The following NIPBL variants were observed in gnomAD, a reference collection of about 807,000 sequenced individuals.
NIPBL encodes NIPBL cohesin loading factor.
NIPBL carries 19 observed loss-of-function variants against 321.8 expected under a neutral mutation model. That is an observed-to-expected ratio of 0.06 (90% CI 0.04 to 0.09). NIPBL has a LOEUF of 0.09. Ranked by LOEUF, NIPBL falls within the 10% of genes least tolerant of loss-of-function variation. The pLI is 1.00. For missense variants in NIPBL, 2,210 were observed against 3,327.0 expected, an observed-to-expected ratio of 0.66 and a Z score of 8.26; for synonymous variants, 1,106 against 1,114.1, an observed-to-expected ratio of 0.99 and a Z score of 0.14.
At chr5:36,930,517 T>C (rs927515798) in intron 1 of NIPBL, among the ~76,000 whole-genome samples, 43 of 152,102 alleles carry the variant, frequency 2.8e-4, no homozygotes, top group African/African-American at 9.2e-4. Flanking sequence ...TCTTCCTGTC[T>C]AATCTGAATG....
intron 15 of NIPBL, 94 bp downstream of exon 15, chr5:37,002,859 G>A: frequency 2.6e-6 from 2 of 766,356 alleles, no homozygotes; most frequent in African/African-American, 1.8e-5. Flanking sequence ...TTTATGTAAA[G>A]TAAATAGTAA....
chr5:36,975,844 G>C lies in NIPBL; in HGVS notation c.937G>C (p.Asp313His). 1 of 1,612,774 alleles carries C rather than the reference G, an allele frequency of 6.2e-7. No homozygotes were observed. The highest frequency in any genetic ancestry group is 8.5e-7 in the Non-Finnish European group (1 of 1,179,580). The change falls in exon 9 of 47, where the codon GAT becomes CAT. Residue 313 changes from aspartate to histidine, a missense_variant. Around this residue, in one of 14 missense-constraint regions of NIPBL, gnomAD observed 464 missense variants for 529.5 expected, o/e 0.88. Transcript: ENST00000282516. ...TTCATCACCTCGAGATGTTCCACCA[G>C]ATATCTTGCTAGATTCTCCAGAAAG... ...PCSSPRDVPP[D>H]ILLDSPERKQ...
rs1488990561 is a variant in NIPBL at position 37,052,811 on chromosome 5, G to A, written c.7263+245G>A. Among the ~76,000 whole-genome samples the A allele has an allele frequency of 2.6e-5, 4 of 152,114 alleles. No homozygotes were observed. In the East Asian group the frequency reaches 7.7e-4, roughly 29 times the overall value. On this transcript the variant is annotated intron_variant, in intron 42 of 46. Transcript: ENST00000282516. ...CCATACTGAATATCCTATAAACTTT[G>A]ATAACAGTTTCTGTAAGCGTATCTT...
At chr5:37,058,014 A>C (rs16903483) in intron 43 of NIPBL, among the ~76,000 whole-genome samples, 5,147 of 152,314 alleles carry the variant, frequency 0.034, 316 homozygotes, top group African/African-American at 0.12. Context: ...TTGTCAGACT[A>C]GTAAATCAGA....
chr5:37,046,370 T>C (rs1752980509), intron 38 of NIPBL, among the ~76,000 whole-genome samples, 171 bp downstream of exon 38: 1 of 152,250 alleles, frequency 6.6e-6, no homozygotes, highest in African/African-American at 2.4e-5. Flanking sequence ...ATTCTTGTCA[T>C]GGCCATTGAC....
chr5:36,931,553 A>G (rs1431840825), intron 1 of NIPBL, among the ~76,000 whole-genome samples: 1 of 152,032 alleles, frequency 6.6e-6, no homozygotes, highest in Admixed American at 6.6e-5. Context: ...CCTGGACTCA[A>G]ATGATCTGCC....
intron 35 of NIPBL, 67 bp from the exon 36 acceptor site, chr5:37,044,569 G>A: frequency 6.4e-7 from 1 of 1,574,256 alleles, no homozygotes; most frequent in Non-Finnish European, 8.7e-7. Context: ...GCAAATATTT[G>A]TAAAAAGCTA....
At chr5:36,961,412 T>C (rs1382670171) in intron 4 of NIPBL, 72 bp from the exon 5 acceptor site, 1 of 919,070 alleles carries the variant, frequency 1.1e-6, no homozygotes. Context: ...AAAGAATAAC[T>C]GATTTCAGTT....
intron 1 of NIPBL, among the ~76,000 whole-genome samples, chr5:36,916,046 G>A (rs1276581942): frequency 1.3e-5 from 2 of 152,200 alleles, no homozygotes; most frequent in East Asian, 3.8e-4. Flanking sequence ...CATTGGAAAT[G>A]AACTGTCTTT....
intron 40 of NIPBL, 95 bp from the exon 41 acceptor site, chr5:37,051,684 T>C: frequency 1.2e-6 from 1 of 804,158 alleles, no homozygotes; most frequent in Non-Finnish European, 2.1e-6. Flanking sequence ...TAAGGTTAAA[T>C]TCATATATCT....
chr5:36,888,433 GT>G (rs1746078630), intron 1 of NIPBL, among the ~76,000 whole-genome samples: 1 of 151,980 alleles, frequency 6.6e-6, no homozygotes, highest in African/African-American at 2.4e-5. Flanking sequence ...AATACTTTGT[GT>G]TTATGTGTTT....
chr5:36,971,963 A>G lies in NIPBL; in HGVS notation c.790A>G (p.Met264Val), dbSNP rs781159621. Residue 264 changes from methionine (M) to valine (V), a missense_variant, in exon 8 of 47, where the codon ATG (methionine) becomes GTG (valine). Met to Val is a conservative substitution (Grantham distance 21). This residue lies in a region of NIPBL where 464 missense variants were observed against 529.5 expected (regional missense o/e 0.88). Coordinates refer to ENST00000282516, the MANE Select transcript of NIPBL (RefSeq NM_133433.4). Reference protein sequence around the residue: ...LSSDDGDSSTMRNAASFPLRS... With the variant: ...LSSDDGDSSTVRNAASFPLRS... ...TTTTTAGGATGGAGATTCTTCAACA[A>G]TGAGGAATGCTGCATCTTTTCCCTT... 42 of 1,612,710 alleles carry G rather than the reference A, an allele frequency of 2.6e-5. No homozygotes were observed. The South Asian group carries it at 2.6e-4, about 10-fold the overall frequency.
intron 45 of NIPBL, 52 bp from the exon 46 acceptor site, chr5:37,063,737 AT>A: frequency 1.3e-6 from 2 of 1,534,196 alleles, no homozygotes; most frequent in Non-Finnish European, 1.8e-6. Flanking sequence ...GAATTTGACA[AT>A]CTTGCTTGAA....
chr5:36,933,561 A>G (rs1182283642), intron 1 of NIPBL, among the ~76,000 whole-genome samples: 1 of 152,158 alleles, frequency 6.6e-6, no homozygotes, highest in African/African-American at 2.4e-5. Context: ...TAGAATCCAT[A>G]ACATGGTAAA....
rs375058908 is a variant in NIPBL, at chr5:37,017,409, T to G, written c.4920+247T>G. ...TTTGTGAAGTACTCTTAATAATGTA[T>G]AATGCTGTTTTATATTTGATTTAAC... On this transcript the variant is annotated intron_variant, in intron 24 of 46. Coordinates refer to ENST00000282516, the MANE Select transcript of NIPBL (RefSeq NM_133433.4). 8.5e-4 allele frequency among the ~76,000 whole-genome samples: 129 copies of G among 152,238 alleles called. 3 individuals are homozygous for G. The South Asian group carries it at 0.027, about 31-fold the overall frequency.
At chr5:37,032,069 T>C (rs886375462) in intron 32 of NIPBL, among the ~76,000 whole-genome samples, 8 of 152,148 alleles carry the variant, frequency 5.3e-5, no homozygotes, top group Non-Finnish European at 8.8e-5. Flanking sequence ...TAGGCCCTAC[T>C]CCAGACTTAA....
At chr5:36,973,036 T>A (rs753479167) in intron 8 of NIPBL, among the ~76,000 whole-genome samples, 2 of 152,178 alleles carry the variant, frequency 1.3e-5, no homozygotes, top group Non-Finnish European at 2.9e-5. Flanking sequence ...TGTAACAGAT[T>A]CACAAAATTG....
chr5:36,986,421 A>G, intron 10 of NIPBL, 120 bp downstream of exon 10: 2 of 686,894 alleles, frequency 2.9e-6, no homozygotes, highest in East Asian at 6.5e-5. Context: ...TATAACATTT[A>G]TGTCAAACAA....
intron 32 of NIPBL, among the ~76,000 whole-genome samples, chr5:37,030,780 G>T (rs1750911045): frequency 1.3e-5 from 2 of 151,308 alleles, no homozygotes. Context: ...TTGGAGACAG[G>T]GTCTCGCTGT....
Sources: allele counts gnomAD v4.1 joint callset (sites outside exome capture counted in the v4.1 genomes callset), GRCh38; gene constraint gnomAD v4.1.1; regional missense constraint gnomAD v4.1.1; transcripts MANE v1.5; gene names NCBI Gene and HGNC (gene_info 2026-07-23, HGNC 2026-07-21).